Variants in OTOG observed in about 807,000 individuals in gnomAD.
OTOG encodes the protein otogelin.
In OTOG, 296 loss-of-function variants were observed where a neutral mutation model predicts 313.8. That is an observed-to-expected ratio of 0.94 (90% CI 0.86 to 1.04). The LOEUF (loss-of-function observed/expected upper bound fraction) is 1.04, where lower values mean the gene tolerates loss of function less well. Ranked by LOEUF, OTOG falls within the 50% of genes least tolerant of loss-of-function variation. OTOG has a pLI of 0.00. For synonymous variants in OTOG, 1,533 were observed against 1,554.9 expected (o/e 0.99, Z 0.33); for missense variants, 3,948 against 3,840.1 (o/e 1.03, Z -0.74).
intron 6 of OTOG, 73 bp from the exon 7 acceptor site, chr11:17,555,706 T>A (rs1353496858): frequency 8.0e-7 from 1 of 1,256,874 alleles, no homozygotes; most frequent in Non-Finnish European, 1.1e-6. Context: ...TAGTGAAAAC[T>A]CAATAAGGTG....
intron 25 of OTOG, 44 bp from the exon 26 acceptor site, chr11:17,593,149 T>TTAAAAAA: frequency 6.6e-7 from 1 of 1,522,534 alleles, no homozygotes; most frequent in South Asian, 1.2e-5. Context: ...TGGCAGGATC[T>TTAAAAAA]CCTTTCTCCC....
intron 44 of OTOG, 32 bp from the exon 45 acceptor site, chr11:17,634,812 G>C: frequency 6.5e-7 from 1 of 1,529,964 alleles, no homozygotes. Context: ...ATCCGGCCCC[G>C]AGGTGACAGG....
intron 30 of OTOG, 133 bp downstream of exon 30, chr11:17,597,140 G>GT: frequency 8.5e-7 from 1 of 1,181,332 alleles, no homozygotes; most frequent in Non-Finnish European, 1.2e-6. Flanking sequence ...CTTTGGGCGT[G>GT]TTATTCATTG....
rs368790278 is a variant in OTOG at position 17,593,143 on chromosome 11, A to G, written c.3007-50A>G. The G allele has an allele frequency of 4.6e-6, 7 of 1,511,666 alleles. 1 individual carries two copies. Among genetic ancestry groups the G allele is most frequent in the East Asian group, 2.5e-5 (1 of 40,560 alleles). 93.6% of individuals were successfully genotyped at this position (1,511,666 alleles called of 1,614,324 possible). On this transcript the variant is annotated intron_variant, in intron 25 of 55. Transcript: ENST00000399397. Reference sequence around the variant, plus strand: ...TTCCTCCACCTCTGTACCTCTTGGCAGGATCTCCTTTCTCCCTTGTTTTAT... The same window carrying G: ...TTCCTCCACCTCTGTACCTCTTGGCGGGATCTCCTTTCTCCCTTGTTTTAT...
Position 17,587,728 on chromosome 11 carries a change from A to G in OTOG, c.2867+1147A>G, listed in dbSNP as rs111241511. Among the ~76,000 whole-genome samples the G allele has an allele frequency of 1.5e-3, 230 of 152,332 alleles. 1 individual carries two copies. The highest frequency in any genetic ancestry group is 4.4e-3 in the African/African-American group (184 of 41,574). On this transcript the variant is annotated intron_variant, in intron 24 of 55. Transcript: ENST00000399397. The stretch of plus-strand genomic sequence containing the variant: ...GTCAGAGCCCTGGCTGTCTGACCCC[A>G]GAAGTCCCTGGGTATAATGTTAAGA...
At position 17,597,026 on chromosome 11, in the gene OTOG, C is replaced by T. The variant is rs1853128041; in HGVS notation, c.3682+19C>T. 6.5e-7 allele frequency: 1 copy of T among 1,548,736 alleles called. No homozygotes were observed. Among genetic ancestry groups the T allele is most frequent in the Non-Finnish European group, 8.7e-7 (1 of 1,146,698 alleles). ...CTCTGCCGTGAGTGTCCCAGACAAT[C>T]ACCTGAGGGGACAGAGTAGAGTGTC... On this transcript the variant is annotated intron_variant, in intron 30 of 55. Coordinates refer to ENST00000399397, the MANE Select transcript of OTOG (RefSeq NM_001292063.2).
At chr11:17,589,198 A>G (rs1309803728) in intron 24 of OTOG, among the ~76,000 whole-genome samples, 1 of 152,020 alleles carries the variant, frequency 6.6e-6, no homozygotes, top group Non-Finnish European at 1.5e-5. Context: ...TTTTAAATTC[A>G]TGGGCTCAGA....
rs576918197 is a variant in OTOG, at chr11:17,621,090, A to AT, written c.6528+7395dup. ...GTCATTTCTCAGTCAGTTCTGATTG[A>AT]TTTTTTCTTTCATTATAGGTTGTAT... On this transcript the variant is annotated intron_variant, in intron 39 of 55. Transcript: ENST00000399397. 6.8e-4 allele frequency among the ~76,000 whole-genome samples: 103 copies of AT among 151,950 alleles called. 1 individual carries two copies. Among genetic ancestry groups the AT allele is most frequent in the South Asian group, 2.5e-3 (12 of 4,790 alleles).
intron 15 of OTOG, among the ~76,000 whole-genome samples, chr11:17,564,444 AG>A (rs1219879459): frequency 6.6e-6 from 1 of 152,228 alleles, no homozygotes; most frequent in Non-Finnish European, 1.5e-5. Flanking sequence ...TGCCTGGGTA[AG>A]GAGAGGGAGG....
At chr11:17,560,143 T>C (rs1220366328) in intron 12 of OTOG, among the ~76,000 whole-genome samples, 12 of 152,326 alleles carry the variant, frequency 7.9e-5, no homozygotes, top group South Asian at 4.1e-4. Context: ...CATTGGTCCA[T>C]GTATGGGGAC....
At chr11:17,607,948 G>C (rs572143902) in intron 33 of OTOG, among the ~76,000 whole-genome samples, 1 of 152,222 alleles carries the variant, frequency 6.6e-6, no homozygotes, top group African/African-American at 2.4e-5. Context: ...TGGGTGGCAG[G>C]GCATCCCAAG....
Position 17,591,125 on chromosome 11 carries a change from A to G in OTOG, c.2868-325A>G, listed in dbSNP as rs528162156. On this transcript the variant is annotated intron_variant, in intron 24 of 55. Coordinates refer to ENST00000399397, the MANE Select transcript of OTOG (RefSeq NM_001292063.2). The stretch of plus-strand genomic sequence containing the variant: ...AAAATTTTGGAAGAATGCCTGAGAT[A>G]TGGTAGGCACCTAATATTTGTAGAA... Among the ~76,000 whole-genome samples the G allele has an allele frequency of 8.7e-4, 133 of 152,360 alleles. 1 individual carries two copies. Among genetic ancestry groups the G allele is most frequent in the Admixed American group, 8.4e-3 (129 of 15,302 alleles).
Position 17,641,902 on chromosome 11 carries a change from A to G in OTOG, c.8246A>G (p.Asn2749Ser). ...DLAACCGSCR[N>S]VSCLFTFPNG... is the part of the protein sequence containing the mutation. ...GCTGCCTGCTGCGGCTCCTGCAGGA[A>G]CGTGTCCTGTCTCTTCACCTTCCCC... The change falls in exon 52 of 56, where the codon AAC (asparagine) becomes AGC (serine). Residue 2749 changes from asparagine (N) to serine (S), a missense_variant. Transcript: ENST00000399397. 2.6e-6 allele frequency: 4 copies of G among 1,550,238 alleles called. No homozygotes were observed. The highest frequency in any genetic ancestry group is 3.5e-6 in the Non-Finnish European group (4 of 1,146,814).
intron 20 of OTOG, 108 bp from the exon 21 acceptor site, chr11:17,576,448 C>T: frequency 1.2e-6 from 1 of 842,622 alleles, no homozygotes; most frequent in Non-Finnish European, 2.0e-6. Context: ...ATTACTTTTC[C>T]CTGTGTCCTT....
Position 17,611,292 on chromosome 11 carries a change from C to A in OTOG, c.5992C>A (p.Leu1998Met). Residue 1998 changes from leucine (L) to methionine (M), a missense_variant, in exon 36 of 56, where the codon CTG becomes ATG. Physicochemically the swap from Leu to Met is conservative, Grantham distance 15. Transcript: ENST00000399397. ...CCATGGAACCTCGGCAGGGCCTCAC[C>A]TGGCAGCAGAGCCGGTGGACGAGGC... ...EAHGTSAGPH[L>M]AAEPVDEATT... The A allele has an allele frequency of 6.4e-7, 1 of 1,550,592 alleles. No homozygotes were observed. Among genetic ancestry groups the A allele is most frequent in the South Asian group, 1.2e-5 (1 of 84,062 alleles).
intron 39 of OTOG, among the ~76,000 whole-genome samples, chr11:17,623,539 G>A (rs1389146056): frequency 6.6e-6 from 1 of 152,098 alleles, no homozygotes; most frequent in African/African-American, 2.4e-5. Context: ...TCTTTATCCA[G>A]TCTACCATTG....
Position 17,573,070 on chromosome 11 carries a change from T to A in OTOG, c.2081-8T>A. ...CTGACTGCCTGGCTCCTGTTCTTCCTTCCCCAGCCTCCTACTCAGTGCAGG... is the reference window on the plus strand; with the variant it reads ...CTGACTGCCTGGCTCCTGTTCTTCCATCCCCAGCCTCCTACTCAGTGCAGG... On this transcript the variant is annotated splice_region_variant and splice_polypyrimidine_tract_variant and intron_variant, in intron 18 of 55. Transcript: ENST00000399397. The A allele has an allele frequency of 1.3e-6, 2 of 1,537,414 alleles. No individual in the cohort carries two copies. The highest frequency in any genetic ancestry group is 1.8e-6 in the Non-Finnish European group (2 of 1,138,718).
intron 15 of OTOG, among the ~76,000 whole-genome samples, chr11:17,563,978 G>A (rs1161894042): frequency 6.6e-6 from 1 of 150,622 alleles, no homozygotes; most frequent in Admixed American, 6.6e-5. Flanking sequence ...TTATAGGTGT[G>A]AGCCACCACA....
rs1256766223 is a variant in OTOG, at chr11:17,640,814, G to A, written c.8005G>A (p.Glu2669Lys). The A allele has an allele frequency of 4.5e-6, 7 of 1,550,344 alleles. No individual in the cohort carries two copies. Among genetic ancestry groups the A allele is most frequent in the East Asian group, 2.4e-5 (1 of 40,922 alleles). ...VENVCGCAKYECVKAPVCLSR... is the reference protein window; with the variant it reads ...VENVCGCAKYKCVKAPVCLSR... ...GAATGTGTGTGGCTGCGCCAAGTAC[G>A]AGTGTGGTGAGTGGGGGAAGCCTCG... is the stretch of plus-strand genomic sequence containing the variant. The change falls in exon 50 of 56, where the codon GAG becomes AAG. Residue 2669 changes from glutamate to lysine, a missense_variant. By Grantham distance (56) the Glu-to-Lys change is moderately conservative. Transcript: ENST00000399397.
Sources: allele counts gnomAD v4.1 joint callset (sites outside exome capture counted in the v4.1 genomes callset), GRCh38; gene constraint gnomAD v4.1.1; transcripts MANE v1.5; gene names NCBI Gene and HGNC (gene_info 2026-07-23, HGNC 2026-07-21).